The following FGF14 variants were observed in gnomAD, a reference collection of about 807,000 sequenced individuals.
The protein encoded by FGF14 is fibroblast growth factor 14.
A neutral mutation model predicts 25.5 loss-of-function variants in FGF14; 5 were observed. The observed-to-expected ratio is 0.20, with a 90% confidence interval of 0.10 to 0.41. The LOEUF is 0.41. FGF14 is among the 10% of genes least tolerant of loss of function. The pLI is 1.00. For missense variants in FGF14, 222 were observed against 320.1 expected, an observed-to-expected ratio of 0.69 and a Z score of 2.34; for synonymous variants, 138 against 118.3, an observed-to-expected ratio of 1.17 and a Z score of -1.08.
intron 1 of FGF14, among the ~76,000 whole-genome samples, chr13:102,079,399 G>C (rs988694270): frequency 6.6e-6 from 1 of 151,930 alleles, no homozygotes; most frequent in Non-Finnish European, 1.5e-5. Context: ...TAAAAAATAA[G>C]TTATTCATTG....
At chr13:102,071,852 GA>G (rs1191577424) in intron 1 of FGF14, among the ~76,000 whole-genome samples, 1 of 152,162 alleles carries the variant, frequency 6.6e-6, no homozygotes, top group Non-Finnish European at 1.5e-5. Flanking sequence ...TTTTAGTCCT[GA>G]AAAATTGTAA....
intron 1 of FGF14, among the ~76,000 whole-genome samples, chr13:101,879,129 G>A (rs564505987): frequency 7.2e-5 from 11 of 152,074 alleles, no homozygotes; most frequent in Middle Eastern, 3.4e-3. Context: ...TGAAACATTC[G>A]TGTTCAGAAT....
At chr13:102,022,577 C>T (rs1445479073) in intron 1 of FGF14, among the ~76,000 whole-genome samples, 1 of 151,890 alleles carries the variant, frequency 6.6e-6, no homozygotes, top group Non-Finnish European at 1.5e-5. Flanking sequence ...GGGAGGGATG[C>T]CAGAGAACAT....
chr13:102,294,363 C>A (rs1293142723), intron 1 of FGF14, among the ~76,000 whole-genome samples: 1 of 151,274 alleles, frequency 6.6e-6, no homozygotes, highest in East Asian at 1.9e-4. Flanking sequence ...GCCTTTTCTC[C>A]ATTGCTTAAT....
At chr13:102,161,643 G>GA (rs1402591252) in intron 1 of FGF14, among the ~76,000 whole-genome samples, 21 of 12,654 alleles carry the variant, frequency 1.7e-3, no homozygotes, top group Non-Finnish European at 2.4e-3. Flanking sequence ...AGAAGAAGAA[G>GA]AAGAAGAAGA....
rs370472273 is a variant in FGF14 at position 102,008,982 on chromosome 13, A to G, written c.209-133686T>C. ...CCAATTTACAGAAGACTATTAAAAA[A>G]TGTAGGTCAACTTGAATATTTGTTG... On this transcript the variant is annotated intron_variant, in intron 1 of 4. Coordinates refer to the FGF14 transcript ENST00000376131. Among the ~76,000 whole-genome samples the G allele has an allele frequency of 4.3e-4, 66 of 152,290 alleles. 3 individuals carry two copies. The East Asian group carries it at 6.6e-3, about 15-fold the overall frequency.
intron 1 of FGF14, among the ~76,000 whole-genome samples, chr13:102,104,713 T>C (rs1446553029): frequency 2.0e-5 from 3 of 152,054 alleles, no homozygotes; most frequent in Non-Finnish European, 4.4e-5. Context: ...TTGAGCCTTA[T>C]AGGTAAAGGC....
chr13:101,862,060 A>T (rs2044445958), intron 3 of FGF14, among the ~76,000 whole-genome samples: 1 of 152,120 alleles, frequency 6.6e-6, no homozygotes, highest in African/African-American at 2.4e-5. Flanking sequence ...GCTAGAGCAG[A>T]TAAGGTAATT....
chr13:101,840,885 C>A (rs1398233076), intron 3 of FGF14, among the ~76,000 whole-genome samples: 1 of 151,936 alleles, frequency 6.6e-6, no homozygotes, highest in African/African-American at 2.4e-5. Context: ...TTTATGTCTA[C>A]ATAAACTGGT....
At chr13:101,879,355 GA>G (rs1243838647) in intron 1 of FGF14, among the ~76,000 whole-genome samples, 1 of 151,916 alleles carries the variant, frequency 6.6e-6, no homozygotes, top group Admixed American at 6.6e-5. Context: ...TACATATCAA[GA>G]AAAAAAGATG....
intron 1 of FGF14, among the ~76,000 whole-genome samples, chr13:102,009,220 TG>T (rs1349541543): frequency 6.6e-6 from 1 of 152,182 alleles, no homozygotes; most frequent in Non-Finnish European, 1.5e-5. Context: ...AATCATATTT[TG>T]TAACACATTT....
At chr13:101,825,048 T>C (rs2042335481) in intron 3 of FGF14, among the ~76,000 whole-genome samples, 1 of 152,194 alleles carries the variant, frequency 6.6e-6, no homozygotes, top group South Asian at 2.1e-4. Flanking sequence ...AAATCGGCCA[T>C]TGGTAGTAAA....
At chr13:102,245,086 A>G (rs2051797011) in intron 1 of FGF14, among the ~76,000 whole-genome samples, 1 of 152,102 alleles carries the variant, frequency 6.6e-6, no homozygotes, top group African/African-American at 2.4e-5. Flanking sequence ...AGAAATCCCA[A>G]CCAGTGGACA....
chr13:102,054,900 C>G (rs540013769), intron 1 of FGF14, among the ~76,000 whole-genome samples: 1 of 152,194 alleles, frequency 6.6e-6, no homozygotes, highest in Non-Finnish European at 1.5e-5. Flanking sequence ...TCCTCTGAAA[C>G]TATCACTCCC....
chr13:101,979,493 C>T (rs570686479), intron 1 of FGF14, among the ~76,000 whole-genome samples: 1 of 152,230 alleles, frequency 6.6e-6, no homozygotes, highest in Admixed American at 6.5e-5. Context: ...AACCGAGGAA[C>T]AGAGAGTTTA....
rs869147894 is a variant in FGF14, at chr13:102,121,437, AAT to A, written c.209-246143_209-246142del. Among the ~76,000 whole-genome samples the A allele has an allele frequency of 1.3e-3, 99 of 78,370 alleles. 1 individual carries two copies. The highest frequency in any genetic ancestry group is 9.3e-3 in the East Asian group (9 of 966). The allele number at this position is 78,370 out of a possible 152,430, so 51.4% of individuals were successfully genotyped here. On this transcript the variant is annotated intron_variant, in intron 1 of 4. Transcript: ENST00000376131. The stretch of plus-strand genomic sequence containing the variant: ...TAGTTAACAATTACTAAATATTTTG[AAT>A]AAAAAAATCTATTTGATTCATCATT...
intron 1 of FGF14, among the ~76,000 whole-genome samples, chr13:101,927,043 G>A (rs886773396): frequency 5.3e-5 from 8 of 152,124 alleles, no homozygotes. Flanking sequence ...AGAGCCCCGA[G>A]ACAAGCCCTG....
At chr13:101,743,301 G>A (rs2036669896) in intron 3 of FGF14, among the ~76,000 whole-genome samples, 2 of 152,186 alleles carry the variant, frequency 1.3e-5, no homozygotes, top group South Asian at 4.1e-4. Context: ...ATACTGTCTG[G>A]CAGAATTCAT....
chr13:102,327,338 C>T (rs2056486586), intron 1 of FGF14, among the ~76,000 whole-genome samples: 1 of 152,216 alleles, frequency 6.6e-6, no homozygotes, highest in Non-Finnish European at 1.5e-5. Flanking sequence ...CAACATAAAA[C>T]CACTTAAAAG....
Sources: allele counts gnomAD v4.1 joint callset (sites outside exome capture counted in the v4.1 genomes callset), GRCh38; gene constraint gnomAD v4.1.1; transcripts MANE v1.5; gene names NCBI Gene and HGNC (gene_info 2026-07-23, HGNC 2026-07-21).